The following TSNARE1 variants were observed in gnomAD, a reference collection of about 807,000 sequenced individuals.
The protein encoded by TSNARE1 is t-SNARE domain containing 1, also known as t-SNARE domain-containing protein 1.
Under a neutral mutation model 62.0 loss-of-function variants are expected in TSNARE1, and 49 were observed. The ratio of observed to expected loss-of-function variants is 0.79; its 90% CI spans 0.63 to 1.00. The LOEUF is 1.00. Among genes scored for constraint, TSNARE1 ranks in the 50% least tolerant of loss-of-function variants. The probability of loss-of-function intolerance (pLI) is 0.00; values close to 1 mark genes in which losing one functional copy is unlikely to be tolerated. For synonymous variants in TSNARE1, 328 were observed against 294.4 expected (o/e 1.11, Z -1.17); for missense variants, 755 against 700.1 (o/e 1.08, Z -0.88).
At chr8:142,400,298 T>C (rs1253192891) in intron 1 of TSNARE1, among the ~76,000 whole-genome samples, 1 of 151,674 alleles carries the variant, frequency 6.6e-6, no homozygotes, top group Non-Finnish European at 1.5e-5. Flanking sequence ...TACAAAACAT[T>C]AGCCAGGCGT....
At chr8:142,388,135 A>G (rs1467140166) in intron 1 of TSNARE1, among the ~76,000 whole-genome samples, 1 of 152,160 alleles carries the variant, frequency 6.6e-6, no homozygotes, top group Non-Finnish European at 1.5e-5. Flanking sequence ...CACTATATTA[A>G]TATGTCTTAA....
chr8:142,245,785 G>A (rs889353561), intron 12 of TSNARE1, among the ~76,000 whole-genome samples: 6 of 152,144 alleles, frequency 3.9e-5, no homozygotes, highest in African/African-American at 1.4e-4. Context: ...CTGCTCCCAG[G>A]AGCAAGCAGT....
At chr8:142,223,451 TTCGC>T (rs1387920541) in intron 13 of TSNARE1, among the ~76,000 whole-genome samples, 1 of 32,150 alleles carries the variant, frequency 3.1e-5, no homozygotes, top group Non-Finnish European at 7.4e-5. Context: ...AATTCACTCA[TTCGC>T]TCATTCACTC....
At position 142,280,479 on chromosome 8, in the gene TSNARE1, C is replaced by T. The variant is rs1227620992; in HGVS notation, c.1363+3934G>A. Reference sequence around the variant, plus strand: ...GCAGCCTACATCCACTATACAGGGGCCCTTCTGTCTCAGCTACTCTCTGGG... The same window carrying T: ...GCAGCCTACATCCACTATACAGGGGTCCTTCTGTCTCAGCTACTCTCTGGG... On this transcript the variant is annotated intron_variant, in intron 11 of 13. Coordinates refer to ENST00000524325, the MANE Select transcript of TSNARE1 (RefSeq NM_145003.5). Among the ~76,000 whole-genome samples, 7 of 152,266 alleles carry T rather than the reference C, an allele frequency of 4.6e-5. No homozygotes were observed. The East Asian group carries it at 7.7e-4, about 17-fold the overall frequency.
chr8:142,268,189 G>A (rs1371200144), intron 12 of TSNARE1, among the ~76,000 whole-genome samples: 2 of 152,220 alleles, frequency 1.3e-5, no homozygotes, highest in Non-Finnish European at 2.9e-5. Flanking sequence ...GGAGCTTCAT[G>A]GACAGCCATC....
At chr8:142,276,532 G>C in intron 11 of TSNARE1, 2 of 985,478 alleles carry the variant, frequency 2.0e-6, no homozygotes, top group Non-Finnish European at 2.4e-6. Flanking sequence ...ACAGTGGAGA[G>C]CATTTGCCAG....
intron 4 of TSNARE1, 91 bp from the exon 5 acceptor site, chr8:142,331,922 G>T (rs1445982578): frequency 2.3e-6 from 3 of 1,280,790 alleles, no homozygotes; most frequent in Non-Finnish European, 1.1e-6. Context: ...GCCCCCAGGG[G>T]CAGGGACCCG....
At chr8:142,335,933 A>G (rs74876426) in intron 4 of TSNARE1, among the ~76,000 whole-genome samples, 2,128 of 152,342 alleles carry the variant, frequency 0.014, 45 homozygotes, top group African/African-American at 0.048. Flanking sequence ...CCTACTGGAC[A>G]GAGGCACTGC....
intron 4 of TSNARE1, among the ~76,000 whole-genome samples, chr8:142,335,938 C>T (rs1831692009): frequency 6.6e-6 from 1 of 152,164 alleles, no homozygotes; most frequent in Non-Finnish European, 1.5e-5. Flanking sequence ...TGGACAGAGG[C>T]ACTGCTTTCA....
chr8:142,333,761 C>T (rs1245786860), intron 4 of TSNARE1, among the ~76,000 whole-genome samples: 6 of 152,238 alleles, frequency 3.9e-5, no homozygotes, highest in African/African-American at 1.2e-4. Context: ...GTCCAGCTAC[C>T]TCCACCTTGC....
At chr8:142,338,599 G>A (rs865855588) in intron 4 of TSNARE1, among the ~76,000 whole-genome samples, 1 of 128,346 alleles carries the variant, frequency 7.8e-6, no homozygotes, top group East Asian at 2.6e-4. Flanking sequence ...CAGGCTGCCT[G>A]GACCACTGGG....
intron 12 of TSNARE1, among the ~76,000 whole-genome samples, chr8:142,264,149 T>C (rs1029632820): frequency 2.6e-5 from 4 of 152,262 alleles, no homozygotes; most frequent in Admixed American, 2.6e-4. Flanking sequence ...ACCTAGCTAT[T>C]AACTTCATAT....
At chr8:142,340,843 C>T (rs978021288) in intron 4 of TSNARE1, among the ~76,000 whole-genome samples, 1 of 152,238 alleles carries the variant, frequency 6.6e-6, no homozygotes, top group African/African-American at 2.4e-5. Flanking sequence ...GACTTCACAC[C>T]CCACGGATGA....
At chr8:142,364,292 G>A (rs867566849) in intron 1 of TSNARE1, among the ~76,000 whole-genome samples, 1 of 152,214 alleles carries the variant, frequency 6.6e-6, no homozygotes, top group African/African-American at 2.4e-5. Context: ...GCACTCCCGC[G>A]CTCACTCACC....
At chr8:142,262,882 T>C (rs1321170267) in intron 12 of TSNARE1, among the ~76,000 whole-genome samples, 1 of 152,248 alleles carries the variant, frequency 6.6e-6, no homozygotes, top group Non-Finnish European at 1.5e-5. Flanking sequence ...AAAGCAAGAA[T>C]GGACTAACAC....
intron 10 of TSNARE1, among the ~76,000 whole-genome samples, chr8:142,298,423 G>A (rs993407905): frequency 7.9e-5 from 12 of 152,036 alleles, no homozygotes; most frequent in East Asian, 2.0e-4. Flanking sequence ...CACCGGGCAC[G>A]AGCCCTCACC....
intron 9 of TSNARE1, among the ~76,000 whole-genome samples, chr8:142,301,068 G>A (rs1012918862): frequency 3.3e-5 from 5 of 151,174 alleles, no homozygotes; most frequent in African/African-American, 7.3e-5. Context: ...CTCCCCTCCC[G>A]TCAGGAGCCC....
chr8:142,324,306 T>C (rs1489068903), intron 6 of TSNARE1, among the ~76,000 whole-genome samples: 1 of 152,198 alleles, frequency 6.6e-6, no homozygotes, highest in Non-Finnish European at 1.5e-5. Flanking sequence ...GGCAGGCGGC[T>C]ACAGGGTCCA....
chr8:142,314,551 G>A (rs977826167), intron 8 of TSNARE1, 111 bp from the exon 9 acceptor site: 16 of 874,428 alleles, frequency 1.8e-5, no homozygotes, highest in South Asian at 8.1e-5. Context: ...AGCAAAACAC[G>A]CCTGCCACTC....
Sources: allele counts gnomAD v4.1 joint callset (sites outside exome capture counted in the v4.1 genomes callset), GRCh38; gene constraint gnomAD v4.1.1; transcripts MANE v1.5; gene names NCBI Gene and HGNC (gene_info 2026-07-23, HGNC 2026-07-21).